Variants in NEB observed in about 807,000 individuals in gnomAD.
NEB encodes the protein nebulin.
NEB carries 512 observed loss-of-function variants against 952.2 expected under a neutral mutation model. The observed-to-expected ratio is 0.54, with a 90% confidence interval of 0.50 to 0.58. The LOEUF (loss-of-function observed/expected upper bound fraction) is 0.58, where lower values mean the gene tolerates loss of function less well. Ranked by LOEUF, NEB falls within the 20% of genes least tolerant of loss-of-function variation. The probability of loss-of-function intolerance (pLI) is 0.00; values close to 1 mark genes in which losing one functional copy is unlikely to be tolerated. For synonymous variants in NEB, 2,900 were observed against 3,149.8 expected (o/e 0.92, Z 2.66); for missense variants, 8,428 against 9,231.1 (o/e 0.91, Z 3.56).
At position 151,519,030 on chromosome 2, in the gene NEB, C is replaced by T. The variant is rs1026417026; in HGVS notation, c.22630G>A (p.Val7544Met). 4.3e-6 allele frequency: 7 copies of T among 1,613,542 alleles called. No individual in the cohort carries two copies. Among genetic ancestry groups the T allele is most frequent in the Admixed American group, 1.7e-5 (1 of 59,978 alleles). Residue 7544 changes from valine (V) to methionine (M), a missense_variant, in exon 155 of 182, where the codon GTG becomes ATG. Val to Met is a conservative substitution (Grantham distance 21, BLOSUM62 1). Around this residue, in one of 11 missense-constraint regions of NEB, gnomAD observed 3,374 missense variants for 3,651.5 expected, o/e 0.92. Transcript: ENST00000397345. ...KADLKKLHKPVTDMKESLIMN... is the reference protein window; with the variant it reads ...KADLKKLHKPMTDMKESLIMN... ...ATCAGAGACTCCTTCATGTCAGTCA[C>T]GGGTTTGTGAAGTTTCTTCAGGTCA...
intron 165 of NEB, 81 bp from the exon 166 acceptor site, chr2:151,503,522 G>A: frequency 2.3e-6 from 2 of 883,618 alleles, no homozygotes; most frequent in South Asian, 3.0e-5. Flanking sequence ...GGCTATTTGG[G>A]GGAAACTCAT....
At chr2:151,531,191 A>G in intron 144 of NEB, 90 bp from the exon 145 acceptor site, 1 of 836,630 alleles carries the variant, frequency 1.2e-6, no homozygotes, top group Admixed American at 2.1e-5. Context: ...CTGAGTGAAT[A>G]TAAAGGAAAG....
intron 52 of NEB, 22 bp from the exon 53 acceptor site, chr2:151,650,907 C>T (rs376636477): frequency 1.3e-6 from 2 of 1,581,898 alleles, no homozygotes; most frequent in African/African-American, 2.7e-5. Flanking sequence ...GAAAACACAG[C>T]TCTTTTAGTA....
chr2:151,629,291 A>T (rs2098605615), intron 68 of NEB, among the ~76,000 whole-genome samples: 1 of 152,198 alleles, frequency 6.6e-6, no homozygotes. Flanking sequence ...TTATAGAATC[A>T]CATCCAATTT....
chr2:151,622,306 T>C (rs1216230677), intron 71 of NEB, among the ~76,000 whole-genome samples: 1 of 152,212 alleles, frequency 6.6e-6, no homozygotes, highest in Non-Finnish European at 1.5e-5. Context: ...TAAAGTTTCG[T>C]TTTAATACTT....
In NEB at chr2:151,553,857, C is replaced by T. The variant is rs368484176; in HGVS notation, c.19597G>A (p.Val6533Ile). 33 of 1,613,172 alleles carry T rather than the reference C, an allele frequency of 2.0e-5. No homozygotes were observed. Among genetic ancestry groups the T allele is most frequent in the South Asian group, 1.2e-4 (11 of 90,970 alleles). Residue 6533 changes from valine to isoleucine, a missense_variant, in exon 126 of 182, where the codon GTC becomes ATC. By Grantham distance (29) the Val-to-Ile change is conservative (BLOSUM62 3). This residue lies in a region of NEB where 3,374 missense variants were observed against 3,651.5 expected (regional missense o/e 0.92). Coordinates refer to ENST00000397345, the MANE Select transcript of NEB (RefSeq NM_001164508.2). ...CTGATCTGATCTGTGACTTTCCTGA[C>T]GTGATCATTGACTTGCAAGTCGGGG... ...CHPDLQVNDH[V>I]RKVTDQISDI...
chr2:151,517,444 A>G (rs2078413502), intron 156 of NEB, among the ~76,000 whole-genome samples: 1 of 152,248 alleles, frequency 6.6e-6, no homozygotes. Flanking sequence ...GGGGACCTAA[A>G]TAATGCTGAA....
chr2:151,633,629 C>T (rs564755487), intron 65 of NEB, 25 bp downstream of exon 65: 1 of 1,591,044 alleles, frequency 6.3e-7, no homozygotes, highest in South Asian at 1.1e-5. Flanking sequence ...CTATGCACAG[C>T]TCCATTTATA....
rs555445835 is a variant in NEB at position 151,494,211 on chromosome 2, CAG to C, written c.24527_24528del (p.Pro8176ArgfsTer4). On this transcript the variant is annotated frameshift_variant, in exon 174 of 182. Transcript: ENST00000397345. LOFTEE classifies it high-confidence loss of function. ...TTGACTCTCTGCATCTCAGGAGTGACAGGGGTTGCGGTGGCTTTCCCCACATT... is the reference window on the plus strand; with the variant it reads ...TTGACTCTCTGCATCTCAGGAGTGACGGGTTGCGGTGGCTTTCCCCACATT... ...KENVGKATAT[P>X]VTPEMQRVKR... 41 of 1,607,988 alleles carry C rather than the reference CAG, an allele frequency of 2.5e-5. No homozygotes were observed. Among genetic ancestry groups the C allele is most frequent in the Non-Finnish European group, 3.2e-5 (38 of 1,176,852 alleles).
Position 151,491,961 on chromosome 2 carries a change from A to G in NEB, c.25057+137T>C, listed in dbSNP as rs992833419. 2.3e-5 allele frequency: 25 copies of G among 1,063,870 alleles called. No individual in the cohort carries two copies. In the African/African-American group the frequency reaches 3.8e-4, roughly 16 times the overall value. 65.9% of individuals were successfully genotyped at this position (1,063,870 alleles called of 1,614,324 possible). ...AGAAATCAGCTTTGTAAACTATGAG[A>G]TAATAGGAGCTTTCTTGCACCTCTA... On this transcript the variant is annotated intron_variant, in intron 178 of 181. Transcript: ENST00000397345.
chr2:151,551,048 A>G (rs1577158009), intron 129 of NEB, among the ~76,000 whole-genome samples: 1 of 149,238 alleles, frequency 6.7e-6, no homozygotes, highest in Middle Eastern at 3.5e-3. Flanking sequence ...GCTCACTGCA[A>G]CCTCCGCCCC....
chr2:151,513,598 A>G lies in NEB; in HGVS notation c.23223T>C (p.Ala7741=). Residue 7741 remains alanine (A), a synonymous_variant, in exon 160 of 182, where the codon GCT becomes GCC. Transcript: ENST00000397345. ...CACTGACCTGACTGGCAATATCAGT[A>G]GCATTCCTGGCCCTCATAAAATCCG... ...ETPDFMRARN[A]TDIASQIKYK... 2.5e-6 allele frequency: 4 copies of G among 1,607,752 alleles called. No individual in the cohort carries two copies. The highest frequency in any genetic ancestry group is 3.4e-6 in the Non-Finnish European group (4 of 1,176,860).
intron 119 of NEB, 91 bp from the exon 120 acceptor site, chr2:151,562,899 C>T: frequency 2.6e-6 from 2 of 779,104 alleles, no homozygotes; most frequent in Non-Finnish European, 4.1e-6. Flanking sequence ...CCATATAGAT[C>T]AGTATCTCTA....
intron 63 of NEB, 128 bp downstream of exon 63, chr2:151,639,152 C>T: frequency 1.5e-6 from 1 of 669,846 alleles, no homozygotes; most frequent in South Asian, 2.4e-5. Context: ...TTGAGAAATG[C>T]AAGAGTTGTT....
rs1177890798 is a variant in NEB, at chr2:151,610,842, C to A, written c.11830G>T (p.Ala3944Ser). Residue 3944 changes from alanine (A) to serine (S), a missense_variant, in exon 79 of 182, where the codon GCT (alanine) becomes TCT (serine). Ala to Ser is a moderately conservative substitution (Grantham distance 99, BLOSUM62 1). Transcript: ENST00000397345. ...ATCACGTGGATGGAGGTTTTGTCAG[C>A]ATCCCAAGCTTCTGTGTATAAATGC... is the stretch of plus-strand genomic sequence containing the variant. The part of the protein sequence containing the change: ...SKHLYTEAWD[A>S]DKTSIHVMPD... 1.3e-6 allele frequency: 2 copies of A among 1,598,716 alleles called. No homozygotes were observed. Among genetic ancestry groups the A allele is most frequent in the Non-Finnish European group, 8.5e-7 (1 of 1,171,934 alleles).
At position 151,710,458 on chromosome 2, in the gene NEB, T is replaced by A. The variant is rs180779260; in HGVS notation, c.903A>T (p.Arg301Ser). ...CTGTGCTAATGTTATCAGCATTCAT[T>A]CTGGCATTTGCAACTTCAAAGCAAG... is the stretch of plus-strand genomic sequence containing the variant. ...ETPCFEVANA[R>S]MNADNISTRK... Residue 301 changes from arginine (R) to serine (S), a missense_variant, in exon 11 of 182, where the codon AGA (arginine) becomes AGT (serine). By Grantham distance (110) the Arg-to-Ser change is moderately radical. Coordinates refer to ENST00000397345, the MANE Select transcript of NEB (RefSeq NM_001164508.2). The A allele has an allele frequency of 1.1e-4, 175 of 1,612,344 alleles. No individual in the cohort carries two copies. In the African/African-American group the frequency reaches 1.9e-3, roughly 17 times the overall value.
At position 151,639,270 on chromosome 2, in the gene NEB, C is replaced by A; in HGVS notation, c.8994+10G>T. The A allele has an allele frequency of 8.5e-6, 13 of 1,524,232 alleles. No individual in the cohort carries two copies. The highest frequency in any genetic ancestry group is 1.1e-5 in the Non-Finnish European group (13 of 1,133,044). 94.4% of individuals were successfully genotyped at this position (1,524,232 alleles called of 1,614,324 possible). On this transcript the variant is annotated intron_variant, in intron 63 of 181. Transcript: ENST00000397345. ...CAGCAGTGTGCAAATGTCAAAGAAT[C>A]TGCTCTCACCTCACTGTAGTTGATT...
rs921875475 is a variant in NEB at position 151,554,017 on chromosome 2, G to A, written c.19437C>T (p.Tyr6479=). The A allele has an allele frequency of 1.2e-6, 2 of 1,613,452 alleles. No individual in the cohort carries two copies. Among genetic ancestry groups the A allele is most frequent in the Non-Finnish European group, 1.7e-6 (2 of 1,179,584 alleles). The part of the protein sequence containing the change: ...RVGKLNIDRL[Y]RSVYEKNKMK... ...TCTTGTTCTTTTCATAAACTGATCT[G>A]TACAGGCGCTGTAAAGTTAAAATCA... The change falls in exon 126 of 182, where the codon TAC becomes TAT. Residue 6479 remains tyrosine (Y), a synonymous_variant. Coordinates refer to ENST00000397345, the MANE Select transcript of NEB (RefSeq NM_001164508.2).
Position 151,526,224 on chromosome 2 carries a change from G to A in NEB, c.21984C>T (p.Thr7328=). 1.2e-6 allele frequency: 2 copies of A among 1,613,632 alleles called. No individual in the cohort carries two copies. Among genetic ancestry groups the A allele is most frequent in the Non-Finnish European group, 1.7e-6 (2 of 1,179,700 alleles). Residue 7328 remains threonine (T), a synonymous_variant, in exon 149 of 182, where the codon ACC becomes ACT. Coordinates refer to ENST00000397345, the MANE Select transcript of NEB (RefSeq NM_001164508.2). The stretch of plus-strand genomic sequence containing the variant: ...GAGGCGTGTCAGGTACGGCATGGCA[G>A]GTTCCTCTTTCCTTGACATGTTTCT... ...YKEKHVKERG[T]CHAVPDTPQI...
Sources: allele counts gnomAD v4.1 joint callset (sites outside exome capture counted in the v4.1 genomes callset), GRCh38; gene constraint gnomAD v4.1.1; regional missense constraint gnomAD v4.1.1; transcripts MANE v1.5; gene names NCBI Gene and HGNC (gene_info 2026-07-23, HGNC 2026-07-21).